The following ATM variants were observed in gnomAD, a reference collection of about 807,000 sequenced individuals.
ATM encodes serine-protein kinase ATM.
In ATM, 308 loss-of-function variants were observed where a neutral mutation model predicts 387.0. That is an observed-to-expected ratio of 0.80 (90% CI 0.73 to 0.87). ATM has a LOEUF of 0.87. Ranked by LOEUF, ATM falls within the 40% of genes least tolerant of loss-of-function variation. ATM has a pLI of 0.00. For missense variants in ATM, 3,312 were observed against 3,560.9 expected (o/e 0.93, Z 1.78); for synonymous variants, 1,156 against 1,187.3 (o/e 0.97, Z 0.54).
intron 24 of ATM, 129 bp from the exon 25 acceptor site, chr11:108,282,581 A>T: frequency 1.2e-6 from 1 of 829,242 alleles, no homozygotes; most frequent in East Asian, 2.6e-5. Context: ...TTCCCATCTC[A>T]TAGATGAGGA....
In ATM at chr11:108,366,939, C is replaced by G. The variant is rs2091362279; in HGVS notation, c.*1431C>G. The G allele has an allele frequency of 4.5e-6, 1 of 220,580 alleles. No homozygotes were observed. The highest frequency in any genetic ancestry group is 1.8e-4 in the South Asian group (1 of 5,408). The allele number at this position is 220,580 out of a possible 1,614,324, so 13.7% of individuals were successfully genotyped here. A position where few individuals can be genotyped will look rare whatever the true frequency, so the allele number is the denominator to read the frequency against. ...GGGTTAATGAGACTGGCAAATTGTT[C>G]CAGGACAGCTACAGCATCAGCTCAC... On this transcript the variant is annotated 3_prime_UTR_variant, in exon 63 of 63. Coordinates refer to ENST00000675843, the MANE Select transcript of ATM (RefSeq NM_000051.4).
chr11:108,291,634 T>C lies in ATM; in HGVS notation c.4437-985T>C, dbSNP rs553060602. On this transcript the variant is annotated intron_variant, in intron 29 of 62. Coordinates refer to ENST00000675843, the MANE Select transcript of ATM (RefSeq NM_000051.4). ...TCCTTTTGTGTCTTGCCTTGTGTGG[T>C]CACTGAAAACTTTGTACCTTAGCTT... 3.3e-5 allele frequency among the ~76,000 whole-genome samples: 5 copies of C among 152,368 alleles called. No homozygotes were observed. In the South Asian group the frequency reaches 1.0e-3, roughly 32 times the overall value.
chr11:108,296,663 A>G (rs1233711215), intron 32 of ATM, among the ~76,000 whole-genome samples: 2 of 152,372 alleles, frequency 1.3e-5, no homozygotes, highest in East Asian at 3.9e-4. Context: ...TATAAAATGT[A>G]TGTAAATAGA....
chr11:108,265,377 T>TG (rs1266369685), intron 16 of ATM, among the ~76,000 whole-genome samples: 1 of 152,120 alleles, frequency 6.6e-6, no homozygotes, highest in African/African-American at 2.4e-5. Flanking sequence ...AAACAAGCAA[T>TG]GGGGAAAGGA....
chr11:108,292,586 G>GGTT (rs753000222), intron 29 of ATM, 33 bp from the exon 30 acceptor site: 2 of 1,608,046 alleles, frequency 1.2e-6, no homozygotes, highest in Admixed American at 1.7e-5. Flanking sequence ...AGAACTTACT[G>GGTT]GTTGTTGTTG....
At chr11:108,338,884 T>G (rs531500184) in intron 56 of ATM, among the ~76,000 whole-genome samples, 5 of 152,316 alleles carry the variant, frequency 3.3e-5, no homozygotes, top group Admixed American at 2.0e-4. Context: ...TTCCCTAGAC[T>G]ACAGCGAAGT....
chr11:108,361,497 C>G (rs2090749533), intron 61 of ATM, among the ~76,000 whole-genome samples: 1 of 151,958 alleles, frequency 6.6e-6, no homozygotes, highest in South Asian at 2.1e-4. Context: ...CAAGTCAATC[C>G]TAAGCCAAAA....
intron 5 of ATM, 21 bp from the exon 6 acceptor site, chr11:108,243,932 T>TG (rs1048183176): frequency 6.7e-7 from 1 of 1,496,742 alleles, no homozygotes; most frequent in African/African-American, 1.4e-5. Context: ...TCATGACTAA[T>TG]AATTTTTTTT....
intron 10 of ATM, 69 bp from the exon 11 acceptor site, chr11:108,251,768 G>C (rs2135336788): frequency 6.8e-7 from 1 of 1,472,032 alleles, no homozygotes; most frequent in Non-Finnish European, 9.5e-7. Flanking sequence ...GCCAGGCACT[G>C]TCCTGATAGA....
In ATM at chr11:108,368,047, TAAC is replaced by T. The variant is rs886047625; in HGVS notation, c.*2541_*2543del. 1.0e-4 allele frequency: 21 copies of T among 207,260 alleles called. No individual in the cohort carries two copies. The highest frequency in any genetic ancestry group is 1.9e-4 in the Non-Finnish European group (19 of 101,736). 12.8% of individuals were successfully genotyped at this position (207,260 alleles called of 1,614,324 possible). ...GTTGTTGCATCCAGAGAGCTTTGAATAACATCATTAATCTACTCTTTAGCCTTG... is the reference window on the plus strand; with the variant it reads ...GTTGTTGCATCCAGAGAGCTTTGAATATCATTAATCTACTCTTTAGCCTTG... On this transcript the variant is annotated 3_prime_UTR_variant, in exon 63 of 63. Coordinates refer to ENST00000675843, the MANE Select transcript of ATM (RefSeq NM_000051.4).
At chr11:108,268,380 T>A (rs756418769) in intron 17 of ATM, 30 bp from the exon 18 acceptor site, 1 of 1,597,618 alleles carries the variant, frequency 6.3e-7, no homozygotes, top group Non-Finnish European at 8.5e-7. Flanking sequence ...TGCCCTTCTC[T>A]TAGTGTTAAT....
At chr11:108,313,160 A>G (rs981628543) in intron 40 of ATM, among the ~76,000 whole-genome samples, 1 of 152,176 alleles carries the variant, frequency 6.6e-6, no homozygotes, top group East Asian at 1.9e-4. Context: ...TTATCCTTCT[A>G]TTTGAGACTA....
At chr11:108,294,801 T>A in intron 31 of ATM, 126 bp from the exon 32 acceptor site, 1 of 949,396 alleles carries the variant, frequency 1.1e-6, no homozygotes, top group Non-Finnish European at 1.6e-6. Flanking sequence ...TCTTCCTTGA[T>A]TAGTAGTAAT....
chr11:108,246,983 A>G lies in ATM; in HGVS notation c.921A>G (p.Lys307=). The change falls in exon 8 of 63, where the codon AAA becomes AAG. Residue 307 remains lysine, a synonymous_variant. Coordinates refer to ENST00000675843, the MANE Select transcript of ATM (RefSeq NM_000051.4). The stretch of plus-strand genomic sequence containing the variant: ...TTACAGGTGCTTATGAATCAACAAA[A>G]TGGAGAAGTATTTTATACAACTTAT... ...TQEKGAYEST[K]WRSILYNLYD... is the part of the protein sequence containing the mutation. The G allele has an allele frequency of 6.2e-7, 1 of 1,611,762 alleles. No individual in the cohort carries two copies.
chr11:108,244,687 G>A (rs1262827874), intron 6 of ATM, 101 bp from the exon 7 acceptor site: 18 of 942,714 alleles, frequency 1.9e-5, no homozygotes, highest in African/African-American at 6.6e-5. Context: ...GAAAATTAGG[G>A]TTTTGTTTTT....
chr11:108,279,807 G>C (rs1188774477), intron 23 of ATM, among the ~76,000 whole-genome samples, 199 bp downstream of exon 23: 1 of 152,038 alleles, frequency 6.6e-6, no homozygotes, highest in Non-Finnish European at 1.5e-5. Flanking sequence ...ATTTCTTTTG[G>C]TTTAGCATTT....
chr11:108,293,091 T>C (rs564558879), intron 30 of ATM, among the ~76,000 whole-genome samples: 3 of 152,314 alleles, frequency 2.0e-5, no homozygotes, highest in East Asian at 1.9e-4. Flanking sequence ...TTCATTAATA[T>C]TGGCATTTTT....
chr11:108,351,169 T>C (rs1022948556), intron 59 of ATM, among the ~76,000 whole-genome samples: 2 of 152,152 alleles, frequency 1.3e-5, no homozygotes, highest in Non-Finnish European at 2.9e-5. Context: ...CATGTATAAT[T>C]CCATTTACAT....
intron 11 of ATM, among the ~76,000 whole-genome samples, chr11:108,252,537 A>G (rs1436402960): frequency 2.0e-5 from 3 of 152,198 alleles, no homozygotes; most frequent in African/African-American, 7.2e-5. Context: ...AATGGATCCA[A>G]TTAAAGTACT....
Sources: allele counts gnomAD v4.1 joint callset (sites outside exome capture counted in the v4.1 genomes callset), GRCh38; gene constraint gnomAD v4.1.1; transcripts MANE v1.5; gene names NCBI Gene and HGNC (gene_info 2026-07-23, HGNC 2026-07-21).